KIRREL3: variants seen among roughly 807,000 people sequenced by gnomAD.
KIRREL3 encodes the protein kin of IRRE-like protein 3.
In KIRREL3, 36 loss-of-function variants were observed where a neutral mutation model predicts 89.7. The ratio of observed to expected loss-of-function variants is 0.40; its 90% CI spans 0.31 to 0.53. The LOEUF is 0.53. Ranked by LOEUF, KIRREL3 falls within the 20% of genes least tolerant of loss-of-function variation. KIRREL3 has a pLI of 0.49. For synonymous variants in KIRREL3, 445 were observed against 441.4 expected (o/e 1.01, Z -0.10); for missense variants, 864 against 1,056.6 (o/e 0.82, Z 2.53).
At chr11:126,820,140 A>T (rs1649583623) in intron 1 of KIRREL3, among the ~76,000 whole-genome samples, 1 of 152,156 alleles carries the variant, frequency 6.6e-6, no homozygotes, top group African/African-American at 2.4e-5. Flanking sequence ...CCCCTGCCCC[A>T]TTCATTTTGT....
chr11:126,941,793 A>G (rs1592423718), intron 1 of KIRREL3, among the ~76,000 whole-genome samples: 2 of 152,296 alleles, frequency 1.3e-5, no homozygotes, highest in East Asian at 1.9e-4. Flanking sequence ...GCCTCCAGGG[A>G]TCTATCTCAG....
At position 126,571,388 on chromosome 11, in the gene KIRREL3, G is replaced by A. The variant is rs939121053; in HGVS notation, c.56-8476C>T. ...CCACTCCTCTGTACACTGAAAGTGGGACACTGGTTACTATCTTTGGGGGCT... is the reference window on the plus strand; with the variant it reads ...CCACTCCTCTGTACACTGAAAGTGGAACACTGGTTACTATCTTTGGGGGCT... On this transcript the variant is annotated intron_variant, in intron 1 of 16. Transcript: ENST00000525144. This position sits in a 1 kb window ranked among gnomAD's most constrained non-coding sequence, Gnocchi z 7.7. Among the ~76,000 whole-genome samples the A allele has an allele frequency of 6.6e-6, 1 of 152,194 alleles. No homozygotes were observed. The highest frequency in any genetic ancestry group is 1.5e-5 in the Non-Finnish European group (1 of 68,046).
rs189401025 is a variant in KIRREL3, at chr11:126,537,602, C to A, written c.134-10915G>T. ...CACCTGTCGGAGCCTGGGTCCTGGA[C>A]AGTAGGAAGAACACAGGGTCAGTCA... On this transcript the variant is annotated intron_variant, in intron 2 of 16. Transcript: ENST00000525144. This position sits in a 1 kb window ranked among gnomAD's most constrained non-coding sequence, Gnocchi z 4.3. Among the ~76,000 whole-genome samples the A allele has an allele frequency of 5.9e-5, 9 of 152,160 alleles. No individual in the cohort carries two copies. Among genetic ancestry groups the A allele is most frequent in the African/African-American group, 2.2e-4 (9 of 41,422 alleles).
chr11:126,815,759 T>A (rs866504780), intron 1 of KIRREL3, among the ~76,000 whole-genome samples: 1 of 152,080 alleles, frequency 6.6e-6, no homozygotes, highest in African/African-American at 2.4e-5. Flanking sequence ...ACGGTCTCGA[T>A]CTCCTGACCT....
intron 1 of KIRREL3, among the ~76,000 whole-genome samples, chr11:126,852,853 GACTC>G (rs1944387903): frequency 6.6e-6 from 1 of 152,150 alleles, no homozygotes; most frequent in Non-Finnish European, 1.5e-5. Context: ...AAGGCAGGTG[GACTC>G]CCTGAGCAGA....
intron 1 of KIRREL3, among the ~76,000 whole-genome samples, chr11:126,998,788 G>C (rs1470840342): frequency 6.6e-6 from 1 of 152,150 alleles, no homozygotes; most frequent in Non-Finnish European, 1.5e-5. Flanking sequence ...GCTGATTAAA[G>C]CATGCACTGG....
chr11:126,497,786 TG>T (rs2134356708), intron 4 of KIRREL3, among the ~76,000 whole-genome samples: 1 of 152,296 alleles, frequency 6.6e-6, no homozygotes, highest in South Asian at 2.1e-4. Flanking sequence ...GGTGCTCTCT[TG>T]GGGAGGGAGG....
intron 1 of KIRREL3, among the ~76,000 whole-genome samples, chr11:126,634,003 G>T (rs1276209201): frequency 6.6e-6 from 1 of 152,172 alleles, no homozygotes; most frequent in Non-Finnish European, 1.5e-5. Context: ...TAGTCCACAT[G>T]AATGAGACCT....
chr11:126,505,532 T>G (rs568797754), intron 4 of KIRREL3, among the ~76,000 whole-genome samples: 1 of 152,182 alleles, frequency 6.6e-6, no homozygotes, highest in South Asian at 2.1e-4. Flanking sequence ...GATTGTGCCA[T>G]TGCACTTCAG....
At chr11:126,846,746 A>G (rs1479968558) in intron 1 of KIRREL3, among the ~76,000 whole-genome samples, 15 of 152,192 alleles carry the variant, frequency 9.9e-5, no homozygotes, top group Admixed American at 9.8e-4. Flanking sequence ...GTAAAAGATT[A>G]TAAGAAGCTG....
At chr11:126,922,490 C>A (rs1947392687) in intron 1 of KIRREL3, among the ~76,000 whole-genome samples, 1 of 152,070 alleles carries the variant, frequency 6.6e-6, no homozygotes, top group African/African-American at 2.4e-5. Context: ...CTGTGCCCAC[C>A]CTTCCACTTT....
At position 126,807,518 on chromosome 11, in the gene KIRREL3, A is replaced by G. The variant is rs931951086; in HGVS notation, c.55+192937T>C. Among the ~76,000 whole-genome samples, 1 of 152,100 alleles carries G rather than the reference A, an allele frequency of 6.6e-6. No individual in the cohort carries two copies. Among genetic ancestry groups the G allele is most frequent in the Non-Finnish European group, 1.5e-5 (1 of 68,008 alleles). ...TATAAAAATATAAAAAGTCACCCCA[A>G]ATCTCCCAGTGATATGTGCACCACG... On this transcript the variant is annotated intron_variant, in intron 1 of 16. Transcript: ENST00000525144. The surrounding 1 kb of genome is among the most constrained non-coding windows in gnomAD (Gnocchi z 4.3).
chr11:126,655,978 G>T lies in KIRREL3; in HGVS notation c.56-93066C>A. The T allele has an allele frequency of 3.8e-6, 1 of 264,858 alleles. No individual in the cohort carries two copies. Among genetic ancestry groups the T allele is most frequent in the Non-Finnish European group, 7.8e-6 (1 of 128,946 alleles). The allele number at this position is 264,858 out of a possible 1,614,324, so 16.4% of individuals were successfully genotyped here. The stretch of plus-strand genomic sequence containing the variant: ...ATCTAAAAGGTGGGTGGGGCTGAAG[G>T]AGGGGTGGGAGGAGGCCTTAGAAGC... On this transcript the variant is annotated intron_variant, in intron 1 of 16. Transcript: ENST00000525144. This position sits in a 1 kb window ranked among gnomAD's most constrained non-coding sequence, Gnocchi z 5.0.
At chr11:126,881,443 G>A (rs1234682141) in intron 1 of KIRREL3, among the ~76,000 whole-genome samples, 1 of 152,172 alleles carries the variant, frequency 6.6e-6, no homozygotes, top group Non-Finnish European at 1.5e-5. Flanking sequence ...AAGCCCTGCG[G>A]TACTTTCCTT....
chr11:126,431,630 C>A lies in KIRREL3; in HGVS notation c.1589-104G>T. The A allele has an allele frequency of 8.5e-7, 1 of 1,178,332 alleles. No individual in the cohort carries two copies. 73.0% of individuals were successfully genotyped at this position (1,178,332 alleles called of 1,614,324 possible). A position where few individuals can be genotyped will look rare whatever the true frequency, so the allele number is the denominator to read the frequency against. ...CGGGGGCAGCCCCTGCCACATGGGG[C>A]CCTCCTGGGAAATGCCTCAGTGGGG... On this transcript the variant is annotated intron_variant, in intron 13 of 16. Transcript: ENST00000525144. The surrounding 1 kb of genome is among the most constrained non-coding windows in gnomAD (Gnocchi z 7.1).
intron 1 of KIRREL3, among the ~76,000 whole-genome samples, chr11:126,934,314 C>A (rs902687790): frequency 2.6e-5 from 4 of 152,018 alleles, no homozygotes; most frequent in African/African-American, 9.7e-5. Context: ...AAATTAACCC[C>A]AAATTGATAT....
rs1476320063 is a variant in KIRREL3, at chr11:126,922,006, T to C, written c.55+78449A>G. On this transcript the variant is annotated intron_variant, in intron 1 of 16. Coordinates refer to ENST00000525144, the MANE Select transcript of KIRREL3 (RefSeq NM_032531.4). The stretch of plus-strand genomic sequence containing the variant: ...ATCTATCTATCTATCTATCTATCTA[T>C]CATCTATCTTCCTATCTATCTTCCT... Among the ~76,000 whole-genome samples the C allele has an allele frequency of 4.4e-5, 6 of 137,006 alleles. No individual in the cohort carries two copies. In the South Asian group the frequency reaches 1.2e-3, roughly 27 times the overall value. The allele number at this position is 137,006 out of a possible 152,430, so 89.9% of individuals were successfully genotyped here. A position where few individuals can be genotyped will look rare whatever the true frequency, so the allele number is the denominator to read the frequency against.
rs1268253040 is a variant in KIRREL3 at position 126,993,587 on chromosome 11, C to A, written c.55+6868G>T. Among the ~76,000 whole-genome samples the A allele has an allele frequency of 1.3e-5, 2 of 152,322 alleles. No homozygotes were observed. Among genetic ancestry groups the A allele is most frequent in the East Asian group, 3.9e-4 (2 of 5,190 alleles). On this transcript the variant is annotated intron_variant, in intron 1 of 16. Coordinates refer to ENST00000525144, the MANE Select transcript of KIRREL3 (RefSeq NM_032531.4). The surrounding 1 kb of genome is among the most constrained non-coding windows in gnomAD (Gnocchi z 6.1). Reference sequence around the variant, plus strand: ...ATTGTAACCTTAATCGAAGTGTCTGCTCCCCAACCAGACTAAGAGCTCTGG... The same window carrying A: ...ATTGTAACCTTAATCGAAGTGTCTGATCCCCAACCAGACTAAGAGCTCTGG...
At chr11:126,634,631 C>CA (rs997295713) in intron 1 of KIRREL3, among the ~76,000 whole-genome samples, 1 of 151,990 alleles carries the variant, frequency 6.6e-6, no homozygotes, top group Non-Finnish European at 1.5e-5. Flanking sequence ...CCTTTTTTCT[C>CA]AAAAAAGACT....
Sources: gnomAD v4.1 joint callset for allele counts (sites outside exome capture counted in the v4.1 genomes callset) on GRCh38, gnomAD v4.1.1 for gene constraint, Gnocchi (gnomAD v3.1) non-coding constraint, MANE v1.5 for transcripts, NCBI Gene and HGNC (gene_info 2026-07-23, HGNC 2026-07-21) for gene names.